The following SUN3 variants were observed in gnomAD, a reference collection of about 807,000 sequenced individuals.
SUN3 encodes the protein Sad1 and UNC84 domain containing 3.
SUN3 carries 36 observed loss-of-function variants against 48.2 expected under a neutral mutation model. The observed-to-expected ratio is 0.75, with a 90% CI of 0.57 to 0.99. The LOEUF (loss-of-function observed/expected upper bound fraction) is 0.99, where lower values mean the gene tolerates loss of function less well. Among genes scored for constraint, SUN3 ranks in the 50% least tolerant of loss-of-function variants. SUN3 has a pLI of 0.00. For missense variants in SUN3, 419 were observed against 433.1 expected (o/e 0.97, Z 0.29); for synonymous variants, 148 against 147.9 (o/e 1.00, Z 0.00).
chr7:48,013,864 CTTGTCTG>C (rs1318754975), intron 3 of SUN3, among the ~76,000 whole-genome samples: 2 of 152,306 alleles, frequency 1.3e-5, no homozygotes, highest in Admixed American at 1.3e-4. Context: ...TGACAGTGCT[CTTGTCTG>C]TGTGAAAACC....
upstream of SUN3, among the ~76,000 whole-genome samples, chr7:48,032,082 G>A (rs982281293): frequency 6.6e-6 from 1 of 152,320 alleles, no homozygotes; most frequent in South Asian, 2.1e-4. Flanking sequence ...AGAGTAGAAT[G>A]GGAGTTGCCA....
In SUN3 at chr7:48,015,455, C is replaced by T. The variant is rs371033122; in HGVS notation, c.288+1807G>A. ...GGACTGGAATGCTGTGGGCATCATA[C>T]ATGTGCAGTCTCCCCTCTCTTTTGG... On this transcript the variant is annotated intron_variant, in intron 3 of 9. Transcript: ENST00000297325. Among the ~76,000 whole-genome samples the T allele has an allele frequency of 2.0e-5, 3 of 152,316 alleles. No homozygotes were observed. The East Asian group carries it at 5.8e-4, about 29-fold the overall frequency.
chr7:48,031,877 GTGT>G (rs1293730726), upstream of SUN3, among the ~76,000 whole-genome samples: 1 of 133,344 alleles, frequency 7.5e-6, no homozygotes, highest in African/African-American at 3.1e-5. Flanking sequence ...CACGGTGGGT[GTGT>G]GGTGGTGGTG....
At chr7:48,035,862 C>A in the SUN3 span, among the ~76,000 whole-genome samples, 1 of 152,164 alleles carries the variant, frequency 6.6e-6, no homozygotes, top group East Asian at 1.9e-4. This position sits in a 1 kb window ranked among gnomAD's most constrained non-coding sequence, Gnocchi z 4.0. Flanking sequence ...CTGGCGTGGA[C>A]GTGCCTGTAC....
intron 3 of SUN3, among the ~76,000 whole-genome samples, chr7:48,012,872 C>T (rs112858363): frequency 3.1e-4 from 47 of 152,092 alleles, no homozygotes; most frequent in African/African-American, 1.0e-3. Context: ...ATAAAAAGCT[C>T]GAAGGAAGTA....
Position 47,987,232 on chromosome 7 carries a change from A to C in SUN3, c.*98T>G. ...TGAACCACTTTGAGGTTTTCTTCCCACTCCCAATTCTCAATTCCTATGGGT... is the reference window on the plus strand; with the variant it reads ...TGAACCACTTTGAGGTTTTCTTCCCCCTCCCAATTCTCAATTCCTATGGGT... On this transcript the variant is annotated 3_prime_UTR_variant, in exon 10 of 10. Coordinates refer to ENST00000297325, the MANE Select transcript of SUN3 (RefSeq NM_001030019.2). 1 of 1,321,160 alleles carries C rather than the reference A, an allele frequency of 7.6e-7. No individual in the cohort carries two copies. The highest frequency in any genetic ancestry group is 1.0e-6 in the Non-Finnish European group (1 of 995,078). The allele number at this position is 1,321,160 out of a possible 1,614,324, so 81.8% of individuals were successfully genotyped here.
rs575478713 is a variant in SUN3 at position 48,015,832 on chromosome 7, A to T, written c.288+1430T>A. Reference sequence around the variant, plus strand: ...TAAGCTGTCCTTGTTCATTCCTGGGAGTAGGCCAAACTAACTTTGGGAAGG... The same window carrying T: ...TAAGCTGTCCTTGTTCATTCCTGGGTGTAGGCCAAACTAACTTTGGGAAGG... On this transcript the variant is annotated intron_variant, in intron 3 of 9. Coordinates refer to ENST00000297325, the MANE Select transcript of SUN3 (RefSeq NM_001030019.2). Among the ~76,000 whole-genome samples the T allele has an allele frequency of 3.3e-5, 5 of 152,338 alleles. No homozygotes were observed. In the South Asian group the frequency reaches 1.0e-3, roughly 32 times the overall value.
At chr7:47,995,931 C>A in intron 7 of SUN3, 100 bp downstream of exon 7, 1 of 628,734 alleles carries the variant, frequency 1.6e-6, no homozygotes, top group Non-Finnish European at 2.6e-6. Context: ...CAAGTTCAGA[C>A]ACTCTTATAT....
At position 47,987,204 on chromosome 7, in the gene SUN3, G is replaced by A; in HGVS notation, c.*126C>T. 1 of 950,008 alleles carries A rather than the reference G, an allele frequency of 1.1e-6. No individual in the cohort carries two copies. The highest frequency in any genetic ancestry group is 1.5e-6 in the Non-Finnish European group (1 of 680,986). The allele number at this position is 950,008 out of a possible 1,614,324, so 58.8% of individuals were successfully genotyped here. A position where few individuals can be genotyped will look rare whatever the true frequency, so the allele number is the denominator to read the frequency against. On this transcript the variant is annotated 3_prime_UTR_variant, in exon 10 of 10. Transcript: ENST00000297325. Reference sequence around the variant, plus strand: ...AAATGCATTTACTTTTTACAGGCAAGTATGAACCACTTTGAGGTTTTCTTC... The same window carrying A: ...AAATGCATTTACTTTTTACAGGCAAATATGAACCACTTTGAGGTTTTCTTC...
chr7:48,028,035 C>T (rs953862642), intron 1 of SUN3, among the ~76,000 whole-genome samples: 1 of 152,104 alleles, frequency 6.6e-6, no homozygotes, highest in African/African-American at 2.4e-5. Flanking sequence ...AAAATTCCTT[C>T]GGTGCCTTCA....
intron 3 of SUN3, among the ~76,000 whole-genome samples, chr7:48,016,592 C>T (rs985446641): frequency 7.9e-5 from 12 of 152,180 alleles, no homozygotes; most frequent in African/African-American, 2.9e-4. Flanking sequence ...ATCTAACTAG[C>T]TTCAGGACAA....
chr7:48,033,793 T>G (rs368607045), upstream of SUN3, among the ~76,000 whole-genome samples: 7 of 151,954 alleles, frequency 4.6e-5, no homozygotes, highest in East Asian at 5.8e-4. Flanking sequence ...CGGTGGCCCA[T>G]GCCTGTAATC....
chr7:48,017,753 T>C (rs1789852250), intron 2 of SUN3, among the ~76,000 whole-genome samples: 1 of 152,208 alleles, frequency 6.6e-6, no homozygotes, highest in African/African-American at 2.4e-5. Flanking sequence ...ATTCCTTTAA[T>C]ATAGACTTTG....
chr7:48,010,538 A>C (rs765079066), intron 3 of SUN3, among the ~76,000 whole-genome samples: 5 of 152,200 alleles, frequency 3.3e-5, no homozygotes, highest in African/African-American at 7.2e-5. Context: ...TGGAGGAATG[A>C]TCAAGTGTGA....
chr7:48,003,010 G>A (rs1419141271), intron 6 of SUN3, among the ~76,000 whole-genome samples: 2 of 149,844 alleles, frequency 1.3e-5, no homozygotes, highest in East Asian at 2.0e-4. Context: ...GCAATACCTA[G>A]GTTGTCTTCC....
chr7:47,994,900 G>A (rs562097986), intron 7 of SUN3, among the ~76,000 whole-genome samples: 1 of 152,044 alleles, frequency 6.6e-6, no homozygotes, highest in Admixed American at 6.5e-5. Context: ...TCATGGCAAT[G>A]GTATCACCTA....
At chr7:47,998,056 G>A (rs1451453078) in intron 6 of SUN3, among the ~76,000 whole-genome samples, 1 of 152,234 alleles carries the variant, frequency 6.6e-6, no homozygotes, top group East Asian at 1.9e-4. Flanking sequence ...AAGTTTTGAT[G>A]TGAACATGTT....
In SUN3 at chr7:47,996,084, A is replaced by C; in HGVS notation, c.640T>G (p.Trp214Gly). ...TGATTTAGGAAACCTATCCCATGCC[A>C]GTACAATTTTGCTTTATTATTTTTA... Reference protein sequence around the residue: ...SYKNNKAKLYWHGIGFLNHEM... With the variant: ...SYKNNKAKLYGHGIGFLNHEM... The change falls in exon 7 of 10, where the codon TGG (tryptophan) becomes GGG (glycine). Residue 214 changes from tryptophan (W) to glycine (G), a missense_variant. Transcript: ENST00000297325. 2.5e-6 allele frequency: 4 copies of C among 1,596,442 alleles called. No individual in the cohort carries two copies. The highest frequency in any genetic ancestry group is 3.4e-6 in the Non-Finnish European group (4 of 1,174,320).
At chr7:48,006,250 A>T (rs1583761224) in intron 5 of SUN3, among the ~76,000 whole-genome samples, 197 bp from the exon 6 acceptor site, 1 of 152,190 alleles carries the variant, frequency 6.6e-6, no homozygotes, top group East Asian at 1.9e-4. Flanking sequence ...CATTTTCAGG[A>T]ATACGGTGTA....
Sources: gnomAD v4.1 joint callset for allele counts (sites outside exome capture counted in the v4.1 genomes callset) on GRCh38, gnomAD v4.1.1 for gene constraint, Gnocchi (gnomAD v3.1) non-coding constraint, MANE v1.5 for transcripts, NCBI Gene and HGNC (gene_info 2026-07-23, HGNC 2026-07-21) for gene names.